Variants in INTS13 observed in about 807,000 individuals in gnomAD.
INTS13 encodes the protein asunder, spermatogenesis regulator homolog (Drosphila).
In INTS13, 35 loss-of-function variants were observed where a neutral mutation model predicts 90.2. The observed-to-expected ratio is 0.39, with a 90% CI of 0.30 to 0.51. The LOEUF (loss-of-function observed/expected upper bound fraction) is 0.51. INTS13 is among the 20% of genes least tolerant of loss of function. INTS13 has a pLI of 0.80. For synonymous variants in INTS13, 309 were observed against 277.1 expected, an observed-to-expected ratio of 1.11 and a Z score of -1.14; for missense variants, 601 against 851.2, an observed-to-expected ratio of 0.71 and a Z score of 3.66.
intron 7 of INTS13, 87 bp downstream of exon 7, chr12:26,924,268 C>G (rs954924884): frequency 6.9e-7 from 1 of 1,440,628 alleles, no homozygotes; most frequent in Non-Finnish European, 9.4e-7. Flanking sequence ...GCTGGGATTA[C>G]AGGCATGAGC....
intron 3 of INTS13, among the ~76,000 whole-genome samples, chr12:26,930,879 G>A (rs1938150190): frequency 6.6e-6 from 1 of 152,142 alleles, no homozygotes; most frequent in South Asian, 2.1e-4. Context: ...AAAAAGTAAG[G>A]TGGAAACGTA....
At chr12:26,908,076 T>A (rs1243622690) in intron 15 of INTS13, among the ~76,000 whole-genome samples, 1 of 152,100 alleles carries the variant, frequency 6.6e-6, no homozygotes, top group Non-Finnish European at 1.5e-5. Flanking sequence ...AAAAAGCCAA[T>A]CTCAAAAGGT....
intron 15 of INTS13, among the ~76,000 whole-genome samples, chr12:26,906,644 C>T (rs1340527838): frequency 6.6e-6 from 1 of 152,164 alleles, no homozygotes. Context: ...AGAGCAACCA[C>T]TAGTTCAGTG....
intron 15 of INTS13, among the ~76,000 whole-genome samples, chr12:26,909,796 T>G (rs1412126478): frequency 3.3e-5 from 5 of 152,188 alleles, no homozygotes; most frequent in African/African-American, 1.2e-4. Flanking sequence ...ACTAGTGAAC[T>G]GAAGAATATA....
chr12:26,935,663 A>G (rs1039872025), intron 2 of INTS13, among the ~76,000 whole-genome samples: 2 of 152,226 alleles, frequency 1.3e-5, no homozygotes, highest in Admixed American at 1.3e-4. Context: ...CTGCGCTCCA[A>G]ATCAGTTACA....
chr12:26,929,751 G>T (rs1393271706), intron 3 of INTS13, among the ~76,000 whole-genome samples: 3 of 144,330 alleles, frequency 2.1e-5, no homozygotes, highest in Non-Finnish European at 4.5e-5. Context: ...AAGGAAAGAA[G>T]AAAGAAAGGA....
chr12:26,916,759 G>C (rs963467235), intron 10 of INTS13, among the ~76,000 whole-genome samples: 1 of 152,106 alleles, frequency 6.6e-6, no homozygotes, highest in South Asian at 2.1e-4. Context: ...ATGATCATAA[G>C]AATTACCAGA....
At chr12:26,914,848 T>A (rs1207368089) in intron 11 of INTS13, among the ~76,000 whole-genome samples, 1 of 152,194 alleles carries the variant, frequency 6.6e-6, no homozygotes, top group Non-Finnish European at 1.5e-5. Flanking sequence ...GAACACTTTT[T>A]TTCCCCTTCT....
chr12:26,928,117 G>A (rs534588280), intron 5 of INTS13, 88 bp downstream of exon 5: 5 of 934,088 alleles, frequency 5.4e-6, no homozygotes, highest in Non-Finnish European at 8.0e-6. Flanking sequence ...AGAATTCAGG[G>A]AAACGCTACC....
chr12:26,917,806 G>T, intron 8 of INTS13, 73 bp from the exon 9 acceptor site: 440 of 598,350 alleles, frequency 7.4e-4, no homozygotes, highest in Non-Finnish European at 1.2e-3. Context: ...CCATAAATAT[G>T]TACAATTATG....
intron 2 of INTS13, 113 bp from the exon 3 acceptor site, chr12:26,934,743 CT>C: frequency 1.2e-6 from 1 of 833,406 alleles, no homozygotes; most frequent in Non-Finnish European, 2.0e-6. Flanking sequence ...ATTCATTCTT[CT>C]TTTTATAGTT....
At chr12:26,921,691 TGTTGCCCA>T (rs1952122485) in intron 8 of INTS13, among the ~76,000 whole-genome samples, 1 of 152,212 alleles carries the variant, frequency 6.6e-6, no homozygotes, top group Non-Finnish European at 1.5e-5. Context: ...AGTCTCACCC[TGTTGCCCA>T]GGTTGGGGTG....
chr12:26,925,227 C>T (rs1937803923), intron 6 of INTS13, among the ~76,000 whole-genome samples: 1 of 151,780 alleles, frequency 6.6e-6, no homozygotes, highest in Admixed American at 6.6e-5. Context: ...AATGAAAAAC[C>T]AGGACATATA....
rs1440766184 is a variant in INTS13, at chr12:26,928,885, A to G, written c.321T>C (p.Ala107=). The part of the protein sequence containing the change: ...NLQELMAALA[A]VGPPNPRADP... ...CTGCCCGAGGATTAGGAGGCCCAACAGCGGCTAATGCTGCCATTAGCTAAG... is the reference window on the plus strand; with the variant it reads ...CTGCCCGAGGATTAGGAGGCCCAACGGCGGCTAATGCTGCCATTAGCTAAG... The change falls in exon 4 of 17, where the codon GCT becomes GCC. Residue 107 remains alanine, a synonymous_variant. Coordinates refer to ENST00000261191, the MANE Select transcript of INTS13 (RefSeq NM_018164.3). 5 of 1,614,172 alleles carry G rather than the reference A, an allele frequency of 3.1e-6. No homozygotes were observed. Among genetic ancestry groups the G allele is most frequent in the Admixed American group, 1.7e-5 (1 of 60,020 alleles).
chr12:26,911,351 C>A, intron 14 of INTS13, 34 bp from the exon 15 acceptor site: 1 of 1,569,154 alleles, frequency 6.4e-7, no homozygotes. Context: ...ATGTAAAGTT[C>A]AAATTTTTAG....
At chr12:26,923,443 A>C (rs1592218358) in intron 7 of INTS13, among the ~76,000 whole-genome samples, 1 of 152,212 alleles carries the variant, frequency 6.6e-6, no homozygotes, top group African/African-American at 2.4e-5. Context: ...TTCTCATGCA[A>C]TTTATTGTTC....
Position 26,914,090 on chromosome 12 carries a change from CAG to C in INTS13, c.1456_1457del (p.Leu486AspfsTer17). 1 of 1,606,954 alleles carries C rather than the reference CAG, an allele frequency of 6.2e-7. No homozygotes were observed. The highest frequency in any genetic ancestry group is 8.5e-7 in the Non-Finnish European group (1 of 1,178,058). On this transcript the variant is annotated frameshift_variant, in exon 13 of 17. Transcript: ENST00000261191. LOFTEE classifies it high-confidence loss of function. The stretch of plus-strand genomic sequence containing the variant: ...GACAGTTTAACACATCTTCTTCTGT[CAG>C]AGATTCTTTCACAATAACACTGGCT... ...PLASVIVKES[L>X]TEEDVLNCQK...
chr12:26,936,707 G>A lies in INTS13; in HGVS notation c.97C>T (p.Leu33=). The change falls in exon 2 of 17, where the codon CTG becomes TTG. Residue 33 remains leucine (L), a synonymous_variant. Coordinates refer to ENST00000261191, the MANE Select transcript of INTS13 (RefSeq NM_018164.3). ...ATTCCTTGGGTTCTATTCTTCACCA[G>A]CATATCAAACTCGACATGCTGCCTG... The part of the protein sequence containing the change: ...SCRQHVEFDM[L]VKNRTQGIIP... 1.9e-6 allele frequency: 3 copies of A among 1,613,940 alleles called. No individual in the cohort carries two copies. Among genetic ancestry groups the A allele is most frequent in the Non-Finnish European group, 2.5e-6 (3 of 1,179,910 alleles).
At chr12:26,905,825 A>G (rs1201455415) in intron 16 of INTS13, among the ~76,000 whole-genome samples, 1 of 152,168 alleles carries the variant, frequency 6.6e-6, no homozygotes, top group Non-Finnish European at 1.5e-5. Flanking sequence ...AAGCAAAACT[A>G]AGGAAAAAAT....
Sources: gnomAD v4.1 joint callset for allele counts (sites outside exome capture counted in the v4.1 genomes callset) on GRCh38, gnomAD v4.1.1 for gene constraint, MANE v1.5 for transcripts, NCBI Gene and HGNC (gene_info 2026-07-23, HGNC 2026-07-21) for gene names.